CTIF: variants seen among roughly 807,000 people sequenced by gnomAD.
CTIF encodes the protein CBP80/20-dependent translation initiation factor.
A neutral mutation model predicts 66.0 loss-of-function variants in CTIF; 21 were observed. That is an observed-to-expected ratio of 0.32 (90% CI 0.23 to 0.46). CTIF has a LOEUF of 0.46. Ranked by LOEUF, CTIF falls within the 20% of genes least tolerant of loss-of-function variation. The pLI, the probability that CTIF is intolerant of heterozygous loss-of-function variation, is 1.00. For missense variants in CTIF, 739 were observed against 812.7 expected, an observed-to-expected ratio of 0.91 and a Z score of 1.10; for synonymous variants, 345 against 326.4, an observed-to-expected ratio of 1.06 and a Z score of -0.62.
intron 2 of CTIF, among the ~76,000 whole-genome samples, chr18:48,630,153 G>A (rs2090676509): frequency 6.6e-6 from 1 of 152,146 alleles, no homozygotes; most frequent in Admixed American, 6.5e-5. Context: ...TTTCTAGGCT[G>A]TATCCTCTAC....
In CTIF at chr18:48,822,505, AACACACACACAC is replaced by A. The variant is rs56745285; in HGVS notation, c.1527+5153_1527+5164del. On this transcript the variant is annotated intron_variant, in intron 10 of 11. Transcript: ENST00000256413. ...TCTTCATCTCCCCACCCCCACCCCC[AACACACACACAC>A]ACACACACACACACACACACACATT... Among the ~76,000 whole-genome samples the A allele has an allele frequency of 1.7e-4, 18 of 107,650 alleles. 1 individual carries two copies. Among genetic ancestry groups the A allele is most frequent in the South Asian group, 3.6e-4 (1 of 2,748 alleles). 70.6% of individuals were successfully genotyped at this position (107,650 alleles called of 152,430 possible).
chr18:48,728,675 C>T (rs192729438), intron 7 of CTIF, among the ~76,000 whole-genome samples: 19 of 151,438 alleles, frequency 1.3e-4, no homozygotes, highest in African/African-American at 3.4e-4. Context: ...TTCCTTGCAA[C>T]GTGGGCCTCT....
intron 2 of CTIF, among the ~76,000 whole-genome samples, chr18:48,624,665 A>C (rs947871854): frequency 6.6e-6 from 1 of 152,170 alleles, no homozygotes; most frequent in Non-Finnish European, 1.5e-5. Flanking sequence ...CCACTGCTAG[A>C]GATGCAGGCA....
chr18:48,544,627 G>A (rs1767536556), intron 1 of CTIF, among the ~76,000 whole-genome samples: 1 of 152,260 alleles, frequency 6.6e-6, no homozygotes, highest in African/African-American at 2.4e-5. Context: ...AGTGGAGCCA[G>A]TTTGGGATGG....
chr18:48,798,810 C>T (rs757694609), intron 9 of CTIF, among the ~76,000 whole-genome samples: 6 of 152,156 alleles, frequency 3.9e-5, no homozygotes, highest in Non-Finnish European at 7.4e-5. Flanking sequence ...CACTTGGCAA[C>T]GTCTGGAGAT....
intron 9 of CTIF, among the ~76,000 whole-genome samples, chr18:48,769,067 C>G (rs1051978854): frequency 2.0e-5 from 3 of 152,156 alleles, no homozygotes; most frequent in African/African-American, 7.2e-5. Context: ...TCGCCCTAGT[C>G]CCTGTGAAAC....
intron 3 of CTIF, 63 bp from the exon 4 acceptor site, chr18:48,663,689 C>G: frequency 6.7e-7 from 1 of 1,487,848 alleles, no homozygotes; most frequent in Admixed American, 1.7e-5. Flanking sequence ...AGGCCCTGGC[C>G]CCGTGTTCTC....
intron 9 of CTIF, among the ~76,000 whole-genome samples, chr18:48,776,239 C>T (rs949660680): frequency 2.0e-5 from 3 of 152,226 alleles, no homozygotes; most frequent in Admixed American, 2.0e-4. Flanking sequence ...GGATGCCCAC[C>T]TCCATATGCC....
At chr18:48,584,085 C>T (rs987733171) in intron 1 of CTIF, among the ~76,000 whole-genome samples, 1 of 152,210 alleles carries the variant, frequency 6.6e-6, no homozygotes, top group Non-Finnish European at 1.5e-5. Context: ...CTCCCCTCTT[C>T]CCACCCAGCT....
chr18:48,604,764 T>A lies in CTIF; in HGVS notation c.-28-14774T>A, dbSNP rs190883504. 5.2e-4 allele frequency among the ~76,000 whole-genome samples: 79 copies of A among 152,334 alleles called. No homozygotes were observed. The East Asian group carries it at 0.013, about 24-fold the overall frequency. Reference sequence around the variant, plus strand: ...TCACCTCTAAAAGAAACCCTTTAGCTATCACCCCCTTGTCTCCCTGCCTCC... The same window carrying A: ...TCACCTCTAAAAGAAACCCTTTAGCAATCACCCCCTTGTCTCCCTGCCTCC... On this transcript the variant is annotated intron_variant, in intron 1 of 11. Coordinates refer to ENST00000256413, the MANE Select transcript of CTIF (RefSeq NM_014772.3).
intron 9 of CTIF, among the ~76,000 whole-genome samples, chr18:48,807,584 T>TTG (rs1568235352): frequency 2.0e-5 from 2 of 102,256 alleles, no homozygotes; most frequent in Non-Finnish European, 4.1e-5. Context: ...TGTTGTGTTT[T>TTG]TTTTTTTTTT....
chr18:48,776,282 C>A (rs1316196356), intron 9 of CTIF, among the ~76,000 whole-genome samples: 3 of 152,248 alleles, frequency 2.0e-5, no homozygotes, highest in Admixed American at 2.0e-4. Flanking sequence ...TCTTTGTGCA[C>A]CAGCTGCTTC....
intron 6 of CTIF, among the ~76,000 whole-genome samples, chr18:48,696,957 C>A (rs954809227): frequency 6.6e-6 from 1 of 152,212 alleles, no homozygotes; most frequent in Admixed American, 6.5e-5. Flanking sequence ...GGACCCAGGT[C>A]TTTGTTACCT....
chr18:48,591,519 A>C (rs1218801775), intron 1 of CTIF, among the ~76,000 whole-genome samples: 1 of 152,194 alleles, frequency 6.6e-6, no homozygotes, highest in Non-Finnish European at 1.5e-5. Context: ...CCTCATTTCT[A>C]GGGATCCATT....
At chr18:48,762,663 C>T (rs959011526) in intron 9 of CTIF, among the ~76,000 whole-genome samples, 1 of 152,170 alleles carries the variant, frequency 6.6e-6, no homozygotes, top group Non-Finnish European at 1.5e-5. Flanking sequence ...GCTATAGGGC[C>T]ATCTTAACTA....
chr18:48,805,520 A>C (rs567672053), intron 9 of CTIF, among the ~76,000 whole-genome samples: 2 of 152,274 alleles, frequency 1.3e-5, no homozygotes, highest in East Asian at 3.9e-4. Flanking sequence ...ATTGACGTCA[A>C]CTGTGACCCC....
At chr18:48,546,149 G>T (rs898656553) in intron 1 of CTIF, among the ~76,000 whole-genome samples, 2 of 152,202 alleles carry the variant, frequency 1.3e-5, no homozygotes, top group Admixed American at 1.3e-4. Context: ...CTAAAAAGCT[G>T]TAACAACCCC....
chr18:48,732,489 A>G (rs1417549892), intron 7 of CTIF, among the ~76,000 whole-genome samples: 1 of 152,040 alleles, frequency 6.6e-6, no homozygotes, highest in Non-Finnish European at 1.5e-5. Context: ...TATGCCCACC[A>G]CAGGGCAACC....
At chr18:48,631,471 A>G (rs2144571475) in intron 2 of CTIF, among the ~76,000 whole-genome samples, 1 of 152,376 alleles carries the variant, frequency 6.6e-6, no homozygotes, top group Admixed American at 6.5e-5. Flanking sequence ...CTCAAAAACA[A>G]GACAAACAAA....
Sources: gnomAD v4.1 joint callset for allele counts (sites outside exome capture counted in the v4.1 genomes callset) on GRCh38, gnomAD v4.1.1 for gene constraint, MANE v1.5 for transcripts, NCBI Gene and HGNC (gene_info 2026-07-23, HGNC 2026-07-21) for gene names.